Variants in NTNG2 observed in about 807,000 individuals in gnomAD.
NTNG2 encodes the protein netrin-G2.
In NTNG2, 15 loss-of-function variants were observed where a neutral mutation model predicts 47.6. The ratio of observed to expected loss-of-function variants is 0.32; its 90% CI spans 0.21 to 0.49. NTNG2 has a LOEUF of 0.49. NTNG2 is among the 20% of genes least tolerant of loss of function. The pLI is 0.99. For synonymous variants in NTNG2, 307 were observed against 324.6 expected, an observed-to-expected ratio of 0.95 and a Z score of 0.58; for missense variants, 578 against 764.6, an observed-to-expected ratio of 0.76 and a Z score of 2.88.
intron 3 of NTNG2, among the ~76,000 whole-genome samples, chr9:132,201,321 G>A (rs1293846837): frequency 3.3e-5 from 5 of 152,254 alleles, no homozygotes; most frequent in South Asian, 2.1e-4. Flanking sequence ...CAGCCTCTGC[G>A]GGCGGCGGGG....
chr9:132,180,832 G>A lies in NTNG2; in HGVS notation c.213+13788G>A, dbSNP rs900656140. Among the ~76,000 whole-genome samples, 1 of 152,218 alleles carries A rather than the reference G, an allele frequency of 6.6e-6. No homozygotes were observed. The highest frequency in any genetic ancestry group is 2.1e-4 in the South Asian group (1 of 4,830). ...ACTTTTAATGGTCATGGCCCCACTTGAGAATCCATGGTGCTCTTCCTAGAA... is the reference window on the plus strand; with the variant it reads ...ACTTTTAATGGTCATGGCCCCACTTAAGAATCCATGGTGCTCTTCCTAGAA... On this transcript the variant is annotated intron_variant, in intron 2 of 7. Transcript: ENST00000393229. This position sits in a 1 kb window ranked among gnomAD's most constrained non-coding sequence, Gnocchi z 4.2.
intron 3 of NTNG2, among the ~76,000 whole-genome samples, chr9:132,224,472 T>G (rs1416320617): frequency 6.6e-6 from 1 of 152,176 alleles, no homozygotes; most frequent in Non-Finnish European, 1.5e-5. Context: ...CCTCCCTCCC[T>G]GTCCCCTCCA....
At chr9:132,186,664 G>C (rs541790576) in intron 2 of NTNG2, among the ~76,000 whole-genome samples, 1 of 152,314 alleles carries the variant, frequency 6.6e-6, no homozygotes, top group Non-Finnish European at 1.5e-5. Flanking sequence ...AGGATCTCAG[G>C]GTGTTCTGTG....
At position 132,162,242 on chromosome 9, in the gene NTNG2, A is replaced by G. The variant is rs1406670970; in HGVS notation, c.-484+3A>G. 2 of 152,162 alleles carry G rather than the reference A, an allele frequency of 1.3e-5. No individual in the cohort carries two copies. Among genetic ancestry groups the G allele is most frequent in the African/African-American group, 2.4e-5 (1 of 41,404 alleles). The allele number at this position is 152,162 out of a possible 1,614,324, so 9.4% of individuals were successfully genotyped here. On this transcript the variant is annotated splice_donor_region_variant and intron_variant, in intron 1 of 7. Coordinates refer to ENST00000393229, the MANE Select transcript of NTNG2 (RefSeq NM_032536.4). The surrounding 1 kb of genome is among the most constrained non-coding windows in gnomAD (Gnocchi z 4.6). ...CCGGGAAGCCGCTCCGAGCCGGGGT[A>G]AGGCGGGCGGGGAGAGCCCGGGAGG...
intron 3 of NTNG2, among the ~76,000 whole-genome samples, chr9:132,207,438 T>A (rs1198721694): frequency 6.6e-6 from 1 of 152,200 alleles, no homozygotes; most frequent in African/African-American, 2.4e-5. Flanking sequence ...GTCTCTGCCT[T>A]GTCTTGCGGC....
intron 5 of NTNG2, among the ~76,000 whole-genome samples, chr9:132,235,729 G>C (rs938108916): frequency 3.9e-5 from 6 of 152,224 alleles, no homozygotes; most frequent in Non-Finnish European, 8.8e-5. Flanking sequence ...GGTATGGGGG[G>C]GCAAGGCCTG....
intron 2 of NTNG2, among the ~76,000 whole-genome samples, chr9:132,196,091 A>G (rs1838292521): frequency 6.6e-6 from 1 of 152,010 alleles, no homozygotes; most frequent in African/African-American, 2.4e-5. Flanking sequence ...ACCATTGTTG[A>G]TACATTATTA....
intron 2 of NTNG2, among the ~76,000 whole-genome samples, chr9:132,175,336 A>T (rs6597551): frequency 6.6e-6 from 1 of 152,012 alleles, no homozygotes; most frequent in African/African-American, 2.4e-5. Flanking sequence ...ATTAGGCCAC[A>T]GGCTCTGAAG....
chr9:132,240,861 G>A (rs759760609), intron 6 of NTNG2, 49 bp from the exon 7 acceptor site: 4 of 1,611,490 alleles, frequency 2.5e-6, no homozygotes, highest in Admixed American at 1.7e-5. Context: ...CCGAGAAGAC[G>A]GCGCCCACAC....
At chr9:132,210,154 C>T (rs990001919) in intron 3 of NTNG2, among the ~76,000 whole-genome samples, 1 of 152,136 alleles carries the variant, frequency 6.6e-6, no homozygotes, top group Non-Finnish European at 1.5e-5. Context: ...TGGCACATCA[C>T]GGTGCCAGCG....
intron 2 of NTNG2, among the ~76,000 whole-genome samples, chr9:132,187,430 G>A (rs933290929): frequency 2.0e-5 from 3 of 152,160 alleles, no homozygotes; most frequent in Non-Finnish European, 4.4e-5. Flanking sequence ...GCCTGTGCAC[G>A]AAGAGAATCT....
chr9:132,238,521 C>T lies in NTNG2; in HGVS notation c.1055-583C>T, dbSNP rs895931113. Among the ~76,000 whole-genome samples the T allele has an allele frequency of 3.9e-5, 6 of 152,338 alleles. 1 individual carries two copies. The East Asian group carries it at 1.2e-3, about 29-fold the overall frequency. ...CACTCTTAGCATCCTGCAAAACAAT[C>T]AAACTTGCAGAAAGCTCAGGCTAAT... On this transcript the variant is annotated intron_variant, in intron 5 of 7. Transcript: ENST00000393229.
At chr9:132,230,744 G>C in intron 5 of NTNG2, 149 bp downstream of exon 5, 1 of 741,464 alleles carries the variant, frequency 1.3e-6, no homozygotes, top group Non-Finnish European at 2.3e-6. Flanking sequence ...CACCCCATCT[G>C]CTTCTCCACC....
chr9:132,213,247 G>A (rs1432178623), intron 3 of NTNG2, among the ~76,000 whole-genome samples: 1 of 150,734 alleles, frequency 6.6e-6, no homozygotes, highest in Non-Finnish European at 1.5e-5. Context: ...ACTTGAACTT[G>A]GGAGGCGGAG....
intron 5 of NTNG2, among the ~76,000 whole-genome samples, chr9:132,235,331 C>T (rs1841542910): frequency 6.6e-6 from 1 of 152,202 alleles, no homozygotes; most frequent in Admixed American, 6.5e-5. Context: ...TAGCTCTGTC[C>T]TTCAGTCAGA....
rs1414304730 is a variant in NTNG2, at chr9:132,236,478, G to A, written c.1055-2626G>A. Among the ~76,000 whole-genome samples the A allele has an allele frequency of 2.0e-5, 3 of 152,196 alleles. No individual in the cohort carries two copies. Among genetic ancestry groups the A allele is most frequent in the Non-Finnish European group, 4.4e-5 (3 of 68,028 alleles). ...TGGGGAATTAGGGCCTGAGGTCTAGGGAACAGGTGAGCTGTTCCTTCCAGC... is the reference window on the plus strand; with the variant it reads ...TGGGGAATTAGGGCCTGAGGTCTAGAGAACAGGTGAGCTGTTCCTTCCAGC... On this transcript the variant is annotated intron_variant, in intron 5 of 7. Transcript: ENST00000393229. The surrounding 1 kb of genome is among the most constrained non-coding windows in gnomAD (Gnocchi z 4.3).
intron 2 of NTNG2, among the ~76,000 whole-genome samples, chr9:132,189,147 G>A (rs563096259): frequency 7.0e-4 from 98 of 139,264 alleles, no homozygotes; most frequent in African/African-American, 2.6e-3. Flanking sequence ...CACAGTTACG[G>A]CTCACTACAG....
In NTNG2 at chr9:132,162,647, T is replaced by G. The variant is rs1437611769; in HGVS notation, c.-484+408T>G. On this transcript the variant is annotated intron_variant, in intron 1 of 7. Transcript: ENST00000393229. This position sits in a 1 kb window ranked among gnomAD's most constrained non-coding sequence, Gnocchi z 4.6. ...GAGGGATGTTGCAAGGATGCTCGGA[T>G]GTGTCTCGGAAAAGGAAACTAACCC... Among the ~76,000 whole-genome samples the G allele has an allele frequency of 1.3e-5, 2 of 148,258 alleles. No individual in the cohort carries two copies. Among genetic ancestry groups the G allele is most frequent in the Non-Finnish European group, 3.0e-5 (2 of 67,336 alleles).
intron 1 of NTNG2, among the ~76,000 whole-genome samples, chr9:132,164,369 C>T (rs1187611006): frequency 6.6e-6 from 1 of 152,126 alleles, no homozygotes; most frequent in Non-Finnish European, 1.5e-5. Context: ...GCGTCCAGCG[C>T]CCTGCAAGCC....
Sources: allele counts gnomAD v4.1 joint callset (sites outside exome capture counted in the v4.1 genomes callset), GRCh38; gene constraint gnomAD v4.1.1; non-coding constraint Gnocchi (gnomAD v3.1); transcripts MANE v1.5; gene names NCBI Gene and HGNC (gene_info 2026-07-23, HGNC 2026-07-21).